Variants in LPP observed in about 807,000 individuals in gnomAD.
The protein encoded by LPP is LIM domain containing preferred translocation partner in lipoma, also known as lipoma-preferred partner.
LPP carries 38 observed loss-of-function variants against 60.4 expected under a neutral mutation model. The observed-to-expected ratio is 0.63, with a 90% CI of 0.49 to 0.83. LPP has a LOEUF of 0.83. Among genes scored for constraint, LPP ranks in the 40% least tolerant of loss-of-function variants. The pLI is 0.00. For missense variants in LPP, 902 were observed against 783.6 expected (o/e 1.15, Z -1.80); for synonymous variants, 328 against 290.8 (o/e 1.13, Z -1.30).
rs1448249675 is a variant in LPP, at chr3:188,875,426, T to C, written c.*947T>C. On this transcript the variant is annotated 3_prime_UTR_variant, in exon 12 of 12. Transcript: ENST00000617246. ...CCAACACAACTATCAAAATTGCCTT[T>C]TTCTCTAGAGGATGAAGGCTGTGAA... 4.6e-6 allele frequency: 1 copy of C among 216,836 alleles called. No individual in the cohort carries two copies. The highest frequency in any genetic ancestry group is 9.3e-6 in the Non-Finnish European group (1 of 107,784). The allele number at this position is 216,836 out of a possible 1,614,324, so 13.4% of individuals were successfully genotyped here.
chr3:188,611,166 G>C (rs1383736515), intron 7 of LPP, among the ~76,000 whole-genome samples: 1 of 152,214 alleles, frequency 6.6e-6, no homozygotes, highest in Non-Finnish European at 1.5e-5. Context: ...AGTGGGGACT[G>C]TGAAGAGCTG....
At chr3:188,684,941 G>T (rs76365347) in intron 7 of LPP, among the ~76,000 whole-genome samples, 1 of 152,220 alleles carries the variant, frequency 6.6e-6, no homozygotes, top group African/African-American at 2.4e-5. Context: ...TGGCTAGTCA[G>T]TAATTGGTGC....
Position 188,588,130 on chromosome 3 carries a change from T to C in LPP, c.430-21031T>C, listed in dbSNP as rs530349759. Among the ~76,000 whole-genome samples the C allele has an allele frequency of 6.3e-4, 96 of 152,346 alleles. 2 individuals are homozygous for C. In the South Asian group the frequency reaches 0.02, roughly 31 times the overall value. On this transcript the variant is annotated intron_variant, in intron 6 of 11. Transcript: ENST00000617246. ...AGTTATCTTTTAAACTGAGATCCTATGTGGATATGGAATAGCGTATACAGC... is the reference window on the plus strand; with the variant it reads ...AGTTATCTTTTAAACTGAGATCCTACGTGGATATGGAATAGCGTATACAGC...
chr3:188,574,179 C>A (rs959231386), intron 6 of LPP, among the ~76,000 whole-genome samples: 1 of 152,074 alleles, frequency 6.6e-6, no homozygotes, highest in African/African-American at 2.4e-5. Context: ...ATCCAGAGGA[C>A]CCTGGGTCAC....
At chr3:188,824,586 G>C (rs1018841437) in intron 9 of LPP, among the ~76,000 whole-genome samples, 1 of 152,016 alleles carries the variant, frequency 6.6e-6, no homozygotes, top group African/African-American at 2.4e-5. Flanking sequence ...GTTGGTCTGT[G>C]ACCTGCTGGG....
In LPP at chr3:188,352,200, A is replaced by G. The variant is rs1766055784; in HGVS notation, c.-10+10481A>G. Among the ~76,000 whole-genome samples the G allele has an allele frequency of 1.3e-5, 2 of 152,206 alleles. No homozygotes were observed. Among genetic ancestry groups the G allele is most frequent in the South Asian group, 2.1e-4 (1 of 4,830 alleles). ...TTCTGGCAGGGAAGACAATACACAA[A>G]TCTGTTAAATACACAATAAAAATAG... On this transcript the variant is annotated intron_variant, in intron 3 of 11. Transcript: ENST00000617246. This position sits in a 1 kb window ranked among gnomAD's most constrained non-coding sequence, Gnocchi z 4.4.
intron 7 of LPP, among the ~76,000 whole-genome samples, chr3:188,680,304 G>A (rs1230943117): frequency 6.6e-6 from 1 of 152,162 alleles, no homozygotes; most frequent in East Asian, 1.9e-4. Flanking sequence ...GATCGCTTCA[G>A]ATTGTCTCAG....
chr3:188,792,307 C>T (rs959875992), intron 9 of LPP, among the ~76,000 whole-genome samples: 5 of 152,206 alleles, frequency 3.3e-5, no homozygotes, highest in African/African-American at 1.2e-4. Flanking sequence ...ATGGATTCAG[C>T]CTGTGACAGT....
chr3:188,843,680 G>C (rs998342728), intron 9 of LPP, among the ~76,000 whole-genome samples: 1 of 144,218 alleles, frequency 6.9e-6, no homozygotes, highest in African/African-American at 2.9e-5. Context: ...CCAGCTACTC[G>C]GGAGGCTGAG....
intron 7 of LPP, among the ~76,000 whole-genome samples, chr3:188,629,007 C>T (rs897912658): frequency 6.6e-6 from 1 of 152,188 alleles, no homozygotes; most frequent in Non-Finnish European, 1.5e-5. Flanking sequence ...CAAAAAACCA[C>T]ATGGTCATCT....
intron 6 of LPP, among the ~76,000 whole-genome samples, chr3:188,595,827 C>T (rs1839876588): frequency 6.6e-6 from 1 of 152,208 alleles, no homozygotes; most frequent in East Asian, 1.9e-4. Flanking sequence ...ATTATATAAA[C>T]GCAATCCTAT....
intron 2 of LPP, among the ~76,000 whole-genome samples, chr3:188,258,850 A>G (rs1446469772): frequency 6.6e-6 from 1 of 152,138 alleles, no homozygotes; most frequent in Non-Finnish European, 1.5e-5. Flanking sequence ...GAAGGGTGGG[A>G]TTTATTCACT....
At chr3:188,515,934 C>CAT (rs10663861) in intron 5 of LPP, among the ~76,000 whole-genome samples, 82,875 of 151,794 alleles carry the variant, frequency 0.55, 25,455 homozygotes, top group East Asian at 0.72. Context: ...CAGTAGAATA[C>CAT]ATATATATAA....
intron 9 of LPP, among the ~76,000 whole-genome samples, chr3:188,803,938 A>T (rs997145549): frequency 6.6e-6 from 1 of 152,070 alleles, no homozygotes; most frequent in Admixed American, 6.6e-5. Context: ...GTTCATGAAT[A>T]TACATGTCTG....
At chr3:188,186,325 C>T (rs561197618) in intron 1 of LPP, among the ~76,000 whole-genome samples, 1 of 152,230 alleles carries the variant, frequency 6.6e-6, no homozygotes, top group African/African-American at 2.4e-5. Context: ...AGCAAAGAGA[C>T]TTGAAGGGCA....
chr3:188,757,788 G>A (rs1042811930), intron 8 of LPP, among the ~76,000 whole-genome samples: 18 of 150,042 alleles, frequency 1.2e-4, no homozygotes, highest in Admixed American at 7.4e-4. Context: ...TCCCTAATTC[G>A]TTTTCTGCAA....
chr3:188,284,659 G>A (rs573650786), intron 2 of LPP, among the ~76,000 whole-genome samples: 131 of 152,286 alleles, frequency 8.6e-4, no homozygotes, highest in African/African-American at 3.1e-3. Context: ...GCATGAGTGT[G>A]TATTGGTAAC....
chr3:188,518,789 CT>C (rs1818095562), intron 5 of LPP, among the ~76,000 whole-genome samples: 1 of 152,094 alleles, frequency 6.6e-6, no homozygotes, highest in East Asian at 1.9e-4. Flanking sequence ...AGGGTGGAGA[CT>C]GTTTCTTAAT....
At chr3:188,302,857 G>T (rs925382368) in intron 2 of LPP, among the ~76,000 whole-genome samples, 1 of 152,130 alleles carries the variant, frequency 6.6e-6, no homozygotes, top group African/African-American at 2.4e-5. Context: ...TTGAAAGCTT[G>T]CTCCCTCCCT....
Sources: gnomAD v4.1 joint callset for allele counts (sites outside exome capture counted in the v4.1 genomes callset) on GRCh38, gnomAD v4.1.1 for gene constraint, Gnocchi (gnomAD v3.1) non-coding constraint, MANE v1.5 for transcripts, NCBI Gene and HGNC (gene_info 2026-07-23, HGNC 2026-07-21) for gene names.